The following TBC1D19 variants were observed in gnomAD, a reference collection of about 807,000 sequenced individuals.
TBC1D19 encodes the protein TBC1 domain family, member 19.
In TBC1D19, 60 loss-of-function variants were observed where a neutral mutation model predicts 89.0. That is an observed-to-expected ratio of 0.67 (90% CI 0.55 to 0.84). The LOEUF (loss-of-function observed/expected upper bound fraction) is 0.84. TBC1D19 is among the 40% of genes least tolerant of loss of function. The pLI is 0.00. For missense variants in TBC1D19, 500 were observed against 610.8 expected (o/e 0.82, Z 1.91); for synonymous variants, 189 against 199.7 (o/e 0.95, Z 0.45).
the TBC1D19 span, among the ~76,000 whole-genome samples, chr4:26,852,654 C>T: frequency 1.3e-4 from 20 of 151,520 alleles, no homozygotes; most frequent in South Asian, 4.1e-3. Flanking sequence ...GAGTCTCACT[C>T]TGTCACCCAG....
At chr4:26,835,177 G>A in the TBC1D19 span, among the ~76,000 whole-genome samples, 1 of 152,218 alleles carries the variant, frequency 6.6e-6, no homozygotes. Context: ...CTTATAAGAG[G>A]GAGGCAGGAG....
the TBC1D19 span, among the ~76,000 whole-genome samples, chr4:26,842,346 T>TC: frequency 8.1e-5 from 10 of 123,646 alleles, no homozygotes; most frequent in African/African-American, 2.4e-4. Flanking sequence ...TTTTCTTTTT[T>TC]TTTTTTTTTT....
the TBC1D19 span, among the ~76,000 whole-genome samples, chr4:26,833,823 C>T: frequency 1.5e-4 from 23 of 152,338 alleles, no homozygotes; most frequent in African/African-American, 4.8e-4. Flanking sequence ...AGGAATTATA[C>T]CAAGTAGGCT....
the TBC1D19 span, among the ~76,000 whole-genome samples, chr4:26,764,756 T>A: frequency 1.3e-5 from 2 of 152,004 alleles, no homozygotes; most frequent in African/African-American, 4.8e-5. Context: ...GGTTTGGTGA[T>A]GGATATGGAT....
chr4:26,582,248 T>C (rs2109922039), upstream of TBC1D19, among the ~76,000 whole-genome samples: 1 of 152,272 alleles, frequency 6.6e-6, no homozygotes, highest in East Asian at 1.9e-4. Context: ...GGTACATTTG[T>C]TCCTCATACT....
At chr4:26,646,080 G>A (rs1240272556) in intron 7 of TBC1D19, among the ~76,000 whole-genome samples, 1 of 139,040 alleles carries the variant, frequency 7.2e-6, no homozygotes. Context: ...CCGAGATCCC[G>A]CCACTGCACT....
upstream of TBC1D19, among the ~76,000 whole-genome samples, chr4:26,581,940 T>C (rs1001094468): frequency 6.6e-6 from 1 of 151,188 alleles, no homozygotes. Context: ...TCTATGTATG[T>C]AAAAAACAAT....
intron 7 of TBC1D19, among the ~76,000 whole-genome samples, chr4:26,641,813 G>A (rs1048622769): frequency 6.6e-5 from 10 of 152,172 alleles, no homozygotes; most frequent in African/African-American, 2.2e-4. Flanking sequence ...TCGATCAACT[G>A]GAAGAAAGGG....
chr4:26,778,438 AGAAGGGGAGG>A, the TBC1D19 span, among the ~76,000 whole-genome samples: 8 of 138,296 alleles, frequency 5.8e-5, no homozygotes, highest in Non-Finnish European at 1.1e-4. Context: ...GAAAGGAAAG[AGAAGGGGAGG>A]GAAGGGGGAA....
the TBC1D19 span, among the ~76,000 whole-genome samples, chr4:26,854,749 T>C: frequency 7.1e-6 from 1 of 140,972 alleles, no homozygotes; most frequent in Non-Finnish European, 1.5e-5. Flanking sequence ...TTTTTTTTCC[T>C]CTGGGGCTTC....
chr4:26,596,588 G>T (rs1320488549), intron 1 of TBC1D19, among the ~76,000 whole-genome samples: 7 of 146,270 alleles, frequency 4.8e-5, no homozygotes, highest in Admixed American at 2.1e-4. Flanking sequence ...CTTAATTTCA[G>T]ATCAGTTCTT....
chr4:26,852,344 A>G, the TBC1D19 span, among the ~76,000 whole-genome samples: 1 of 152,140 alleles, frequency 6.6e-6, no homozygotes, highest in Non-Finnish European at 1.5e-5. Flanking sequence ...AGTTGAGCTC[A>G]GGAGTTCGAG....
At chr4:26,602,401 A>G (rs76736879) in intron 1 of TBC1D19, among the ~76,000 whole-genome samples, 3,592 of 150,770 alleles carry the variant, frequency 0.024, 129 homozygotes, top group African/African-American at 0.081. Context: ...GACTTAAACC[A>G]TATCAAGAAA....
chr4:26,638,932 T>C, intron 6 of TBC1D19, 98 bp downstream of exon 6: 1 of 1,014,414 alleles, frequency 9.9e-7, no homozygotes, highest in Non-Finnish European at 1.4e-6. Context: ...TTTGGGAAGA[T>C]TGCAATTTTC....
intron 1 of TBC1D19, among the ~76,000 whole-genome samples, chr4:26,597,624 A>G (rs1393493926): frequency 6.6e-6 from 1 of 150,624 alleles, no homozygotes. Flanking sequence ...TCAGCCTCCC[A>G]AAGTGCTGGG....
intron 13 of TBC1D19, among the ~76,000 whole-genome samples, chr4:26,703,924 G>C (rs1209366037): frequency 7.9e-6 from 1 of 126,356 alleles, no homozygotes; most frequent in Non-Finnish European, 1.6e-5. Context: ...TCGTGCCACT[G>C]CAATTCGGCC....
intron 7 of TBC1D19, among the ~76,000 whole-genome samples, chr4:26,644,553 G>T (rs2110087155): frequency 6.6e-6 from 1 of 152,256 alleles, no homozygotes; most frequent in Middle Eastern, 3.4e-3. Flanking sequence ...ATTCAACATA[G>T]TGTTGGAAGT....
At chr4:26,639,625 A>G (rs1031499840) in intron 6 of TBC1D19, among the ~76,000 whole-genome samples, 3 of 152,196 alleles carry the variant, frequency 2.0e-5, no homozygotes, top group Non-Finnish European at 2.9e-5. Context: ...TTCATTTACT[A>G]TGATAGATGC....
intron 7 of TBC1D19, among the ~76,000 whole-genome samples, chr4:26,650,933 T>A (rs1435385623): frequency 6.6e-6 from 1 of 152,206 alleles, no homozygotes; most frequent in African/African-American, 2.4e-5. Context: ...TCTCTACATA[T>A]GGTTAGCCAG....
Sources: gnomAD v4.1 joint callset for allele counts (sites outside exome capture counted in the v4.1 genomes callset) on GRCh38, gnomAD v4.1.1 for gene constraint, MANE v1.5 for transcripts, NCBI Gene and HGNC (gene_info 2026-07-23, HGNC 2026-07-21) for gene names.